Variants in TENM3 observed in about 807,000 individuals in gnomAD.
The protein encoded by TENM3 is teneurin-3.
A neutral mutation model predicts 255.1 loss-of-function variants in TENM3; 63 were observed. The observed-to-expected ratio is 0.25, with a 90% CI of 0.20 to 0.30. The LOEUF (loss-of-function observed/expected upper bound fraction) is 0.30. TENM3 is among the 10% of genes least tolerant of loss of function. The pLI is 1.00. For synonymous variants in TENM3, 1,306 were observed against 1,322.3 expected, an observed-to-expected ratio of 0.99 and a Z score of 0.27; for missense variants, 2,929 against 3,461.1, an observed-to-expected ratio of 0.85 and a Z score of 3.86.
At chr4:182,044,853 A>C in the TENM3 span, among the ~76,000 whole-genome samples, 1 of 152,198 alleles carries the variant, frequency 6.6e-6, no homozygotes, top group African/African-American at 2.4e-5. Context: ...CTCAAGACGG[A>C]TAGTCCCTCC....
At chr4:181,665,498 C>T in the TENM3 span, among the ~76,000 whole-genome samples, 1 of 152,028 alleles carries the variant, frequency 6.6e-6, no homozygotes, top group Non-Finnish European at 1.5e-5. Flanking sequence ...TGCATATATA[C>T]TTGTTTGCTA....
rs967445395 is a variant in TENM3 at position 182,767,999 on chromosome 4, C to T, written c.4893-5473C>T. Among the ~76,000 whole-genome samples the T allele has an allele frequency of 1.2e-4, 18 of 152,280 alleles. No homozygotes were observed. In the East Asian group the frequency reaches 1.4e-3, roughly 11 times the overall value. ...GAAAATGACAGAGGTGTGGGGAGGGCATTGCCGCCAGTATATACGTAACGA... is the reference window on the plus strand; with the variant it reads ...GAAAATGACAGAGGTGTGGGGAGGGTATTGCCGCCAGTATATACGTAACGA... On this transcript the variant is annotated intron_variant, in intron 22 of 27. Transcript: ENST00000511685.
chr4:182,372,426 C>T (rs1375090248), intron 3 of TENM3, among the ~76,000 whole-genome samples: 1 of 152,114 alleles, frequency 6.6e-6, no homozygotes, highest in Non-Finnish European at 1.5e-5. Flanking sequence ...AGTTTTGTTA[C>T]TAATAACTTC....
At chr4:182,270,897 C>T (rs548633709) in intron 1 of TENM3, among the ~76,000 whole-genome samples, 4 of 152,184 alleles carry the variant, frequency 2.6e-5, no homozygotes, top group South Asian at 2.1e-4. Context: ...CCCTGAAAAT[C>T]GCATTATCCC....
chr4:182,435,902 T>C (rs75203610), intron 3 of TENM3, among the ~76,000 whole-genome samples: 8 of 152,190 alleles, frequency 5.3e-5, no homozygotes, highest in Non-Finnish European at 1.2e-4. Flanking sequence ...TGAATATAGA[T>C]TTATATTTTA....
the TENM3 span, among the ~76,000 whole-genome samples, chr4:181,514,897 C>T: frequency 9.2e-5 from 14 of 152,182 alleles, no homozygotes; most frequent in African/African-American, 3.4e-4. Context: ...ATTACAGCAA[C>T]ACCTTGGAAC....
intron 27 of TENM3, among the ~76,000 whole-genome samples, chr4:182,798,076 G>A (rs1279601305): frequency 6.6e-6 from 1 of 152,052 alleles, no homozygotes; most frequent in Non-Finnish European, 1.5e-5. Flanking sequence ...GTGTCACCCA[G>A]GCTGGAGTGC....
chr4:182,487,234 T>C lies in TENM3; in HGVS notation c.512-113690T>C, dbSNP rs1196584884. Among the ~76,000 whole-genome samples the C allele has an allele frequency of 2.0e-5, 3 of 152,176 alleles. 1 individual carries two copies. Among genetic ancestry groups the C allele is most frequent in the African/African-American group, 7.2e-5 (3 of 41,452 alleles). ...GTTGTAATATAGTTTTATGTTCCTC[T>C]TATCTGATACCAAAGTTACCTGTAT... On this transcript the variant is annotated intron_variant, in intron 3 of 27. Coordinates refer to ENST00000511685, the MANE Select transcript of TENM3 (RefSeq NM_001080477.4).
In TENM3 at chr4:182,681,841, A is replaced by G. The variant is rs1756202636; in HGVS notation, c.1862A>G (p.Asn621Ser). ...GACTGTATAGACCCTGGGTGTTCTA[A>G]TCATGGTGTGTGTATCCACGGGGAA... ...EADCIDPGCS[N>S]HGVCIHGECH... The change falls in exon 11 of 28, where the codon AAT becomes AGT. Residue 621 changes from asparagine to serine, a missense_variant. By Grantham distance (46) the Asn-to-Ser change is conservative (BLOSUM62 1). Around this residue, in one of 6 missense-constraint regions of TENM3, gnomAD observed 1,608 missense variants for 1,884.4 expected, o/e 0.85. Coordinates refer to ENST00000511685, the MANE Select transcript of TENM3 (RefSeq NM_001080477.4). The G allele has an allele frequency of 3.7e-6, 6 of 1,613,592 alleles. No homozygotes were observed. Among genetic ancestry groups the G allele is most frequent in the Middle Eastern group, 1.6e-4 (1 of 6,084 alleles).
intron 3 of TENM3, among the ~76,000 whole-genome samples, chr4:182,499,192 A>T (rs1265943355): frequency 6.6e-6 from 1 of 152,234 alleles, no homozygotes; most frequent in Non-Finnish European, 1.5e-5. Context: ...GAATGAGGTT[A>T]TCTAATCCAG....
At chr4:181,696,406 G>A in the TENM3 span, among the ~76,000 whole-genome samples, 2 of 151,950 alleles carry the variant, frequency 1.3e-5, no homozygotes. Flanking sequence ...GTCTCCAAAG[G>A]CCACAGTAAT....
chr4:182,671,170 A>G (rs1489467373), intron 6 of TENM3, among the ~76,000 whole-genome samples: 1 of 152,152 alleles, frequency 6.6e-6, no homozygotes, highest in Non-Finnish European at 1.5e-5. Flanking sequence ...TGATGCACCA[A>G]ACCTCATGGA....
chr4:182,014,492 C>T, the TENM3 span, among the ~76,000 whole-genome samples: 1 of 151,996 alleles, frequency 6.6e-6, no homozygotes, highest in African/African-American at 2.4e-5. Flanking sequence ...AGCGCATTTC[C>T]TCTAGAATGT....
chr4:182,415,395 G>A (rs187841894), intron 3 of TENM3, among the ~76,000 whole-genome samples: 4 of 152,216 alleles, frequency 2.6e-5, no homozygotes, highest in Admixed American at 2.6e-4. Context: ...ACCAAAATTA[G>A]TACTCTCTGA....
intron 5 of TENM3, among the ~76,000 whole-genome samples, chr4:182,650,889 A>AAT (rs1157725899): frequency 1.5e-3 from 44 of 29,758 alleles, no homozygotes; most frequent in African/African-American, 8.5e-3. Context: ...AATAAAAAAA[A>AAT]ATATATATAT....
At chr4:181,974,464 A>G in the TENM3 span, among the ~76,000 whole-genome samples, 1 of 152,172 alleles carries the variant, frequency 6.6e-6, no homozygotes, top group East Asian at 1.9e-4. Flanking sequence ...GCTACTCAGG[A>G]GGCTGAGGCA....
intron 3 of TENM3, among the ~76,000 whole-genome samples, chr4:182,389,205 G>A (rs1379632753): frequency 6.6e-6 from 1 of 152,058 alleles, no homozygotes; most frequent in Non-Finnish European, 1.5e-5. Flanking sequence ...GGAAGGGAGG[G>A]AGGTGTAGCT....
At chr4:182,016,800 T>C in the TENM3 span, among the ~76,000 whole-genome samples, 1 of 152,236 alleles carries the variant, frequency 6.6e-6, no homozygotes, top group East Asian at 1.9e-4. Flanking sequence ...CGAAGTTTGT[T>C]ATTAGTATTC....
chr4:182,504,491 T>C (rs888601613), intron 3 of TENM3, among the ~76,000 whole-genome samples: 8 of 152,230 alleles, frequency 5.3e-5, no homozygotes, highest in African/African-American at 1.9e-4. Context: ...CTTAGCATAA[T>C]AGCTATACAA....
Sources: allele counts gnomAD v4.1 joint callset (sites outside exome capture counted in the v4.1 genomes callset), GRCh38; gene constraint gnomAD v4.1.1; regional missense constraint gnomAD v4.1.1; transcripts MANE v1.5; gene names NCBI Gene and HGNC (gene_info 2026-07-23, HGNC 2026-07-21).